ANO2: variants seen among roughly 807,000 people sequenced by gnomAD.
The protein encoded by ANO2 is anoctamin 2.
Under a neutral mutation model 124.2 loss-of-function variants are expected in ANO2, and 101 were observed. That is an observed-to-expected ratio of 0.81 (90% CI 0.69 to 0.96). The LOEUF is 0.96. ANO2 is among the 40% of genes least tolerant of loss of function. ANO2 has a pLI of 0.00. For synonymous variants in ANO2, 486 were observed against 482.5 expected (o/e 1.01, Z -0.09); for missense variants, 1,293 against 1,274.5 (o/e 1.01, Z -0.22).
intron 5 of ANO2, 29 bp from the exon 6 acceptor site, chr12:5,830,518 ATTCAT>A: frequency 6.3e-7 from 1 of 1,598,434 alleles, no homozygotes; most frequent in Non-Finnish European, 8.5e-7. Flanking sequence ...CAGATGGCAA[ATTCAT>A]TTCATTACCC....
At position 5,812,807 on chromosome 12, in the gene ANO2, AAAGG is replaced by A. The variant is rs567372063; in HGVS notation, c.893-5443_893-5440del. On this transcript the variant is annotated intron_variant, in intron 7 of 24. Transcript: ENST00000682330. ...AAGAAAAAGAAAGAAAGAAAGGAAA[AAAGG>A]AAGGAAGGAAGGGAGGAAGGAAAGA... Among the ~76,000 whole-genome samples, 344 of 144,702 alleles carry A rather than the reference AAAGG, an allele frequency of 2.4e-3. 2 individuals are homozygous for A. The highest frequency in any genetic ancestry group is 6.9e-3 in the African/African-American group (259 of 37,704). The allele number at this position is 144,702 out of a possible 152,430, so 94.9% of individuals were successfully genotyped here.
At chr12:5,892,645 A>G (rs1316168888) in intron 3 of ANO2, among the ~76,000 whole-genome samples, 1 of 152,244 alleles carries the variant, frequency 6.6e-6, no homozygotes, top group Non-Finnish European at 1.5e-5. Context: ...GAAAATGCTT[A>G]AAGAAAAGAA....
Position 5,578,493 on chromosome 12 carries a change from G to C in ANO2, c.2259C>G (p.Leu753=). ...GTGCCAGGGGAAAGGAGGCCACGAAGAGGGTGACAAAACCAAACTGGATGA... is the reference window on the plus strand; with the variant it reads ...GTGCCAGGGGAAAGGAGGCCACGAACAGGGTGACAAAACCAAACTGGATGA... ...EMIIQFGFVT[L]FVASFPLAPV... The change falls in exon 21 of 25, where the codon CTC becomes CTG. Residue 753 remains leucine (L), a synonymous_variant. Transcript: ENST00000682330. 1 of 1,613,838 alleles carries C rather than the reference G, an allele frequency of 6.2e-7. No homozygotes were observed. Among genetic ancestry groups the C allele is most frequent in the Non-Finnish European group, 8.5e-7 (1 of 1,179,822 alleles).
intron 14 of ANO2, among the ~76,000 whole-genome samples, chr12:5,670,403 G>A (rs1032208340): frequency 6.6e-5 from 10 of 152,174 alleles, no homozygotes; most frequent in African/African-American, 2.4e-4. Flanking sequence ...GGAAGGGGCT[G>A]GGAGTGGGAA....
intron 10 of ANO2, among the ~76,000 whole-genome samples, chr12:5,792,982 A>G (rs1461853961): frequency 2.0e-5 from 3 of 152,212 alleles, no homozygotes; most frequent in Non-Finnish European, 1.5e-5. Context: ...AAGAAGGACA[A>G]TCACGATGAT....
chr12:5,568,627 A>G (rs139691442), intron 23 of ANO2, among the ~76,000 whole-genome samples: 1 of 152,216 alleles, frequency 6.6e-6, no homozygotes, highest in Non-Finnish European at 1.5e-5. Context: ...CTTAGAAGAC[A>G]CTAATTAAAC....
At chr12:5,678,578 C>T (rs999835951) in intron 14 of ANO2, among the ~76,000 whole-genome samples, 5 of 152,180 alleles carry the variant, frequency 3.3e-5, no homozygotes, top group Non-Finnish European at 4.4e-5. Flanking sequence ...TTTACTGGAA[C>T]GCATTTCTGA....
intron 10 of ANO2, among the ~76,000 whole-genome samples, chr12:5,771,086 G>A (rs1287836794): frequency 6.6e-6 from 1 of 152,204 alleles, no homozygotes; most frequent in African/African-American, 2.4e-5. Context: ...CTGCTAGAAT[G>A]TAAGCTCCAT....
chr12:5,740,339 T>G (rs767167318), intron 12 of ANO2: 6 of 185,850 alleles, frequency 3.2e-5, no homozygotes, highest in Non-Finnish European at 6.8e-5. Flanking sequence ...CTGGTTATAT[T>G]TCATTTCCTA....
intron 22 of ANO2, among the ~76,000 whole-genome samples, chr12:5,576,841 C>A (rs1050752655): frequency 6.6e-6 from 1 of 152,190 alleles, no homozygotes; most frequent in Non-Finnish European, 1.5e-5. Flanking sequence ...TGAATGTGAA[C>A]GGCCAGAACC....
At chr12:5,601,876 G>A (rs1236478851) in intron 19 of ANO2, among the ~76,000 whole-genome samples, 1 of 152,194 alleles carries the variant, frequency 6.6e-6, no homozygotes, top group Admixed American at 6.5e-5. Context: ...CTGTGTGACT[G>A]GTATCAACTG....
At chr12:5,662,141 C>G (rs943755424) in intron 14 of ANO2, among the ~76,000 whole-genome samples, 1 of 152,254 alleles carries the variant, frequency 6.6e-6, no homozygotes, top group Non-Finnish European at 1.5e-5. Context: ...GTAAGAAGGG[C>G]AAGAACTGAA....
At chr12:5,876,316 G>A (rs576435541) in intron 3 of ANO2, among the ~76,000 whole-genome samples, 6 of 152,134 alleles carry the variant, frequency 3.9e-5, no homozygotes, top group African/African-American at 7.2e-5. Context: ...TCTTAGAACC[G>A]CATCATATTC....
At chr12:5,628,709 C>T (rs1945542530) in intron 16 of ANO2, among the ~76,000 whole-genome samples, 1 of 152,102 alleles carries the variant, frequency 6.6e-6, no homozygotes, top group Non-Finnish European at 1.5e-5. Flanking sequence ...CGCGTGCGTG[C>T]ACATGTGCAT....
intron 23 of ANO2, among the ~76,000 whole-genome samples, chr12:5,566,073 G>A (rs928792806): frequency 1.2e-4 from 19 of 152,264 alleles, no homozygotes; most frequent in Admixed American, 1.2e-3. Flanking sequence ...CTGCAGCCGG[G>A]GGGGTTGGGG....
intron 3 of ANO2, among the ~76,000 whole-genome samples, chr12:5,873,196 GCTCTCTCT>G (rs57038931): frequency 0.028 from 3,308 of 119,008 alleles, 136 homozygotes; most frequent in African/African-American, 0.097. Context: ...GCCTAAAGCA[GCTCTCTCT>G]CTCTCTCTCT....
intron 14 of ANO2, among the ~76,000 whole-genome samples, chr12:5,726,107 C>T (rs1353217606): frequency 6.6e-6 from 1 of 150,882 alleles, no homozygotes; most frequent in African/African-American, 2.4e-5. Context: ...CGGGATACAG[C>T]AGTCTAGAAA....
chr12:5,783,033 A>T (rs1378863591), intron 10 of ANO2, among the ~76,000 whole-genome samples: 1 of 152,168 alleles, frequency 6.6e-6, no homozygotes, highest in Non-Finnish European at 1.5e-5. Flanking sequence ...GTGATGACCC[A>T]CAGTTACCTA....
intron 14 of ANO2, among the ~76,000 whole-genome samples, chr12:5,679,781 T>C (rs543251536): frequency 1.3e-5 from 2 of 152,164 alleles, no homozygotes; most frequent in Non-Finnish European, 2.9e-5. Flanking sequence ...GCAATCCCAT[T>C]ATGGGATGTA....
Sources: gnomAD v4.1 joint callset for allele counts (sites outside exome capture counted in the v4.1 genomes callset) on GRCh38, gnomAD v4.1.1 for gene constraint, MANE v1.5 for transcripts, NCBI Gene and HGNC (gene_info 2026-07-23, HGNC 2026-07-21) for gene names.